Variants in AMPH observed in about 807,000 individuals in gnomAD.
The protein encoded by AMPH is amphiphysin.
In AMPH, 49 loss-of-function variants were observed where a neutral mutation model predicts 99.1. The ratio of observed to expected loss-of-function variants is 0.49; its 90% CI spans 0.39 to 0.63. AMPH has a LOEUF of 0.63. Ranked by LOEUF, AMPH falls within the 20% of genes least tolerant of loss-of-function variation. The pLI, the probability that AMPH is intolerant of heterozygous loss-of-function variation, is 0.00. For synonymous variants in AMPH, 314 were observed against 317.3 expected, an observed-to-expected ratio of 0.99 and a Z score of 0.11; for missense variants, 759 against 863.4, an observed-to-expected ratio of 0.88 and a Z score of 1.52.
chr7:38,620,867 G>C (rs1477746442), intron 1 of AMPH, among the ~76,000 whole-genome samples: 1 of 152,116 alleles, frequency 6.6e-6, no homozygotes. Flanking sequence ...TCTGTGTCAA[G>C]GGGGCAACTA....
At chr7:38,526,214 ATTC>A (rs1005654612) in intron 2 of AMPH, among the ~76,000 whole-genome samples, 1 of 150,856 alleles carries the variant, frequency 6.6e-6, no homozygotes, top group African/African-American at 2.4e-5. Flanking sequence ...ATCTTTTCAT[ATTC>A]TTCTTTGCCA....
chr7:38,583,385 A>C (rs146049135), intron 1 of AMPH, among the ~76,000 whole-genome samples: 1 of 145,972 alleles, frequency 6.9e-6, no homozygotes, highest in East Asian at 1.9e-4. Context: ...AAAAGTAGCT[A>C]TTCAATAAAT....
intron 1 of AMPH, among the ~76,000 whole-genome samples, chr7:38,577,434 A>G (rs771205998): frequency 5.3e-5 from 8 of 152,226 alleles, no homozygotes; most frequent in African/African-American, 2.4e-5. Flanking sequence ...GAACTAGCAC[A>G]TTACCATTGT....
At chr7:38,464,106 G>C (rs757220422) in intron 9 of AMPH, 1 of 1,289,588 alleles carries the variant, frequency 7.8e-7, no homozygotes, top group Non-Finnish European at 1.0e-6. Flanking sequence ...TTCTGCAGAG[G>C]AATGTTGAAA....
chr7:38,619,575 A>G (rs911432008), intron 1 of AMPH, among the ~76,000 whole-genome samples: 1 of 152,250 alleles, frequency 6.6e-6, no homozygotes, highest in Admixed American at 6.5e-5. Context: ...AGCAAAAAAC[A>G]GTTATTCTCA....
chr7:38,561,872 A>C (rs1791561185), intron 1 of AMPH, among the ~76,000 whole-genome samples: 1 of 151,870 alleles, frequency 6.6e-6, no homozygotes, highest in Admixed American at 6.6e-5. Context: ...AAGCAAGAAG[A>C]GGCTTCTCAC....
Position 38,491,056 on chromosome 7 carries a change from G to A in AMPH, c.390C>T (p.Asp130=). The A allele has an allele frequency of 6.2e-7, 1 of 1,606,326 alleles. No homozygotes were observed. The highest frequency in any genetic ancestry group is 1.3e-5 in the African/African-American group (1 of 74,808). Residue 130 remains aspartate (D), a synonymous_variant, in exon 5 of 21, where the codon GAC becomes GAT. Coordinates refer to ENST00000356264, the MANE Select transcript of AMPH (RefSeq NM_001635.4). The part of the protein sequence containing the change: ...TLDTYLGQFP[D]IKNRIAKRSR... ...TAGACACAGAGTAAAATACCTTTAT[G>A]TCAGGAAATTGCCCCAGGTAGGTAT...
rs968924078 is a variant in AMPH at position 38,534,934 on chromosome 7, T to G, written c.147A>C (p.Gln49His). The G allele has an allele frequency of 6.2e-7, 1 of 1,613,828 alleles. No homozygotes were observed. The part of the protein sequence containing the change: ...FEEYVQNFKR[Q>H]EAEGTRLQRE... Reference sequence around the variant, plus strand: ...GAAACTAAACAAATGGACTCACTTCTTGCCGTTTGAAGTTCTGGACATATT... The same window carrying G: ...GAAACTAAACAAATGGACTCACTTCGTGCCGTTTGAAGTTCTGGACATATT... Residue 49 changes from glutamine (Q) to histidine (H), a missense_variant, in exon 2 of 21, where the codon CAA becomes CAC. Coordinates refer to ENST00000356264, the MANE Select transcript of AMPH (RefSeq NM_001635.4).
chr7:38,437,145 A>T (rs1463207823), intron 11 of AMPH, among the ~76,000 whole-genome samples: 2 of 152,216 alleles, frequency 1.3e-5, no homozygotes, highest in Non-Finnish European at 2.9e-5. Context: ...ACTAAACATT[A>T]TCATTTGTTC....
chr7:38,437,299 T>C (rs896766725), intron 11 of AMPH, among the ~76,000 whole-genome samples: 27 of 152,148 alleles, frequency 1.8e-4, no homozygotes, highest in Admixed American at 1.2e-3. Flanking sequence ...TCAGTTTTCA[T>C]ACAATTTAAA....
chr7:38,389,693 T>A (rs957908677), intron 20 of AMPH, 111 bp downstream of exon 20: 59 of 845,072 alleles, frequency 7.0e-5, no homozygotes, highest in Non-Finnish European at 1.0e-4. Context: ...CCTTTTCAGA[T>A]GGCTTGTAGC....
At chr7:38,515,703 T>A (rs1044867670) in intron 2 of AMPH, among the ~76,000 whole-genome samples, 1 of 151,914 alleles carries the variant, frequency 6.6e-6, no homozygotes, top group African/African-American at 2.4e-5. Context: ...TGGGTAGAGG[T>A]TGGAAGAATG....
At chr7:38,515,829 G>A (rs1289967026) in intron 2 of AMPH, among the ~76,000 whole-genome samples, 1 of 152,220 alleles carries the variant, frequency 6.6e-6, no homozygotes, top group Non-Finnish European at 1.5e-5. Context: ...TCCAGGCTGA[G>A]GAGGTCTCAG....
At chr7:38,520,693 G>A (rs1235022005) in intron 2 of AMPH, among the ~76,000 whole-genome samples, 1 of 152,232 alleles carries the variant, frequency 6.6e-6, no homozygotes, top group Non-Finnish European at 1.5e-5. Context: ...AATACCACTA[G>A]AATATTCCTT....
At chr7:38,402,000 T>C (rs972115635) in intron 17 of AMPH, among the ~76,000 whole-genome samples, 1 of 152,172 alleles carries the variant, frequency 6.6e-6, no homozygotes, top group Admixed American at 6.5e-5. Flanking sequence ...CTTCTCTTTA[T>C]GTGTTGGGAG....
intron 2 of AMPH, among the ~76,000 whole-genome samples, chr7:38,506,239 A>G (rs918468522): frequency 1.3e-5 from 2 of 152,232 alleles, no homozygotes; most frequent in African/African-American, 2.4e-5. Flanking sequence ...AAAATGATTC[A>G]CCATCAACAG....
intron 5 of AMPH, among the ~76,000 whole-genome samples, chr7:38,486,045 A>T (rs1451323034): frequency 6.6e-6 from 1 of 151,946 alleles, no homozygotes; most frequent in African/African-American, 2.4e-5. Context: ...CAAGGAACTA[A>T]GAAAAGAACA....
intron 9 of AMPH, 42 bp downstream of exon 9, chr7:38,465,425 G>T: frequency 6.6e-7 from 1 of 1,519,486 alleles, no homozygotes; most frequent in Non-Finnish European, 8.9e-7. Context: ...AGAAATTTTA[G>T]CAAGCAGGAC....
chr7:38,415,244 A>G (rs1397120537), intron 17 of AMPH, among the ~76,000 whole-genome samples: 2 of 152,246 alleles, frequency 1.3e-5, no homozygotes, highest in Non-Finnish European at 2.9e-5. Context: ...TTACAAAAAC[A>G]AAACAAAAAC....
Sources: gnomAD v4.1 joint callset for allele counts (sites outside exome capture counted in the v4.1 genomes callset) on GRCh38, gnomAD v4.1.1 for gene constraint, MANE v1.5 for transcripts, NCBI Gene and HGNC (gene_info 2026-07-23, HGNC 2026-07-21) for gene names.